The following NXN variants were observed in gnomAD, a reference collection of about 807,000 sequenced individuals.
NXN encodes nucleoredoxin.
Under a neutral mutation model 48.6 loss-of-function variants are expected in NXN, and 16 were observed. The observed-to-expected ratio is 0.33, with a 90% CI of 0.22 to 0.50. The LOEUF is 0.50. Among genes scored for constraint, NXN ranks in the 20% least tolerant of loss-of-function variants. The pLI is 0.98. For missense variants in NXN, 492 were observed against 605.5 expected (o/e 0.81, Z 1.97); for synonymous variants, 281 against 269.6 (o/e 1.04, Z -0.41).
intron 1 of NXN, among the ~76,000 whole-genome samples, chr17:939,393 T>C (rs1045616482): frequency 3.3e-4 from 50 of 149,958 alleles, no homozygotes; most frequent in Admixed American, 8.0e-4. Flanking sequence ...TCACCCAGGC[T>C]GGAGTGCAGT....
rs1396302023 is a variant in NXN, at chr17:800,366, C to T, written c.*583G>A. ...CCATTACCTTAGCTACATTTTTCTT[C>T]TCACCCAAAAAACCTCTACAAGCTT... On this transcript the variant is annotated 3_prime_UTR_variant, in exon 8 of 8. Transcript: ENST00000336868. The T allele has an allele frequency of 6.6e-6, 1 of 152,198 alleles. No individual in the cohort carries two copies. Among genetic ancestry groups the T allele is most frequent in the Non-Finnish European group, 1.5e-5 (1 of 68,034 alleles). The allele number at this position is 152,198 out of a possible 1,614,324, so 9.4% of individuals were successfully genotyped here.
chr17:812,719 T>C (rs527565599), intron 5 of NXN, among the ~76,000 whole-genome samples: 3 of 147,436 alleles, frequency 2.0e-5, no homozygotes, highest in Non-Finnish European at 3.0e-5. Context: ...CATGTGAGTG[T>C]AGGGTGTGTG....
At chr17:928,743 G>A (rs1303826809) in intron 1 of NXN, among the ~76,000 whole-genome samples, 2 of 152,100 alleles carry the variant, frequency 1.3e-5, no homozygotes, top group Non-Finnish European at 2.9e-5. Context: ...GGCTGAGGAG[G>A]GAGAATCGCT....
intron 1 of NXN, among the ~76,000 whole-genome samples, chr17:938,869 G>T (rs184506405): frequency 3.9e-4 from 60 of 152,032 alleles, no homozygotes; most frequent in Middle Eastern, 6.8e-3. Context: ...AGACCAGCCT[G>T]GCCAACATGG....
At chr17:833,076 A>G (rs1913582682) in intron 1 of NXN, among the ~76,000 whole-genome samples, 1 of 152,016 alleles carries the variant, frequency 6.6e-6, no homozygotes, top group Non-Finnish European at 1.5e-5. Context: ...ATTTTTTAGT[A>G]GAGACGGGGT....
Position 806,300 on chromosome 17 carries a change from C to T in NXN, c.821-1053G>A, listed in dbSNP as rs559296190. Among the ~76,000 whole-genome samples, 18 of 148,642 alleles carry T rather than the reference C, an allele frequency of 1.2e-4. 1 individual carries two copies. In the South Asian group the frequency reaches 1.3e-3, roughly 10 times the overall value. ...CCCCCTTCCCCAGGGCTGCAGCCCCCGCCGTCTGCACCCCAGCTCCCCCCT... is the reference window on the plus strand; with the variant it reads ...CCCCCTTCCCCAGGGCTGCAGCCCCTGCCGTCTGCACCCCAGCTCCCCCCT... On this transcript the variant is annotated intron_variant, in intron 5 of 7. Coordinates refer to ENST00000336868, the MANE Select transcript of NXN (RefSeq NM_022463.5).
At chr17:944,830 C>T (rs916405746) in intron 1 of NXN, among the ~76,000 whole-genome samples, 3 of 151,942 alleles carry the variant, frequency 2.0e-5, no homozygotes, top group Admixed American at 6.6e-5. Context: ...AAATCGTGGC[C>T]AACGGGGTCA....
rs1045434719 is a variant in NXN at position 920,532 on chromosome 17, G to A, written c.360+58787C>T. Among the ~76,000 whole-genome samples, 50 of 151,876 alleles carry A rather than the reference G, an allele frequency of 3.3e-4. No homozygotes were observed. Among genetic ancestry groups the A allele is most frequent in the Admixed American group, 7.2e-4 (11 of 15,224 alleles). On this transcript the variant is annotated intron_variant, in intron 1 of 7. Coordinates refer to ENST00000336868, the MANE Select transcript of NXN (RefSeq NM_022463.5). The surrounding 1 kb of genome is among the most constrained non-coding windows in gnomAD (Gnocchi z 4.6). The stretch of plus-strand genomic sequence containing the variant: ...CACCAGCTCACTCCAGCTCTGCAGC[G>A]TTCTCCCAGGCTCTCAACCCTCGAC...
At chr17:812,794 G>A (rs1212908780) in intron 5 of NXN, among the ~76,000 whole-genome samples, 1 of 150,652 alleles carries the variant, frequency 6.6e-6, no homozygotes, top group Non-Finnish European at 1.5e-5. Flanking sequence ...GTGTGTAGGT[G>A]TGTGTGCGTG....
In NXN at chr17:801,036, C is replaced by G; in HGVS notation, c.1221G>C (p.Val407=). Residue 407 remains valine, a synonymous_variant, in exon 8 of 8, where the codon GTG becomes GTC. Transcript: ENST00000336868. The part of the protein sequence containing the change: ...ILDMSARAKY[V]MDVEEITPAI... ...CGGGGGTGATCTCCTCCACGTCCAT[C>G]ACGTACTTGGCCCGGGCTGACATGT... The G allele has an allele frequency of 6.3e-7, 1 of 1,576,582 alleles. No individual in the cohort carries two copies. The highest frequency in any genetic ancestry group is 8.6e-7 in the Non-Finnish European group (1 of 1,160,210).
chr17:854,918 T>C (rs1479202732), intron 1 of NXN, among the ~76,000 whole-genome samples: 5 of 146,420 alleles, frequency 3.4e-5, no homozygotes, highest in South Asian at 2.2e-4. Context: ...AAGATCACAC[T>C]ACTGCACTCC....
At chr17:955,834 G>C (rs899970895) in intron 1 of NXN, among the ~76,000 whole-genome samples, 1 of 151,856 alleles carries the variant, frequency 6.6e-6, no homozygotes, top group Admixed American at 6.6e-5. Context: ...CCCGGGAGGC[G>C]GAGCTTGCAG....
chr17:959,434 G>A (rs1268947573), intron 1 of NXN: 3 of 192,912 alleles, frequency 1.6e-5, no homozygotes, highest in Non-Finnish European at 3.2e-5. Context: ...TCCAGACTGG[G>A]ACCCCACTCC....
At chr17:968,536 C>T (rs2069333627) in intron 1 of NXN, among the ~76,000 whole-genome samples, 1 of 152,070 alleles carries the variant, frequency 6.6e-6, no homozygotes, top group Admixed American at 6.5e-5. Flanking sequence ...TGCCACTGCA[C>T]TCTAGCCTGG....
chr17:819,414 C>A (rs772581634), intron 5 of NXN, 25 bp downstream of exon 5: 1 of 1,585,088 alleles, frequency 6.3e-7, no homozygotes, highest in Non-Finnish European at 8.7e-7. Flanking sequence ...AGGAGCCACA[C>A]GGAGCCGGGG....
At chr17:938,322 T>C (rs987611090) in intron 1 of NXN, among the ~76,000 whole-genome samples, 5 of 152,178 alleles carry the variant, frequency 3.3e-5, no homozygotes, top group Non-Finnish European at 5.9e-5. Flanking sequence ...CTTGCCCTGA[T>C]ATGACAGCAA....
intron 2 of NXN, among the ~76,000 whole-genome samples, chr17:824,035 CATTT>C (rs1428383125): frequency 3.2e-5 from 4 of 124,278 alleles, no homozygotes; most frequent in African/African-American, 1.3e-4. Context: ...CTTCCAGGGA[CATTT>C]TTTTTTTTTT....
intron 1 of NXN, among the ~76,000 whole-genome samples, chr17:943,496 C>T (rs912066815): frequency 2.6e-5 from 4 of 152,180 alleles, no homozygotes; most frequent in Admixed American, 6.6e-5. Flanking sequence ...AAAAAAGTAA[C>T]ATCTGGTCAT....
At chr17:918,424 C>T (rs1322096764) in intron 1 of NXN, among the ~76,000 whole-genome samples, 7 of 152,156 alleles carry the variant, frequency 4.6e-5, no homozygotes, top group Non-Finnish European at 1.0e-4. Context: ...GGCCGTGACT[C>T]CCATTTCCAT....
Sources: gnomAD v4.1 joint callset for allele counts (sites outside exome capture counted in the v4.1 genomes callset) on GRCh38, gnomAD v4.1.1 for gene constraint, Gnocchi (gnomAD v3.1) non-coding constraint, MANE v1.5 for transcripts, NCBI Gene and HGNC (gene_info 2026-07-23, HGNC 2026-07-21) for gene names.